Variants in ECHDC3 observed in about 807,000 individuals in gnomAD.
The protein encoded by ECHDC3 is enoyl-CoA hydratase domain containing 3.
A neutral mutation model predicts 17.9 loss-of-function variants in ECHDC3; 20 were observed. That is an observed-to-expected ratio of 1.12 (90% CI 0.79 to 1.63). The LOEUF is 1.63. Ranked by LOEUF, ECHDC3 falls within the 40% of genes most tolerant of loss-of-function variation. The probability of loss-of-function intolerance (pLI) is 0.00; values close to 1 mark genes in which losing one functional copy is unlikely to be tolerated. For synonymous variants in ECHDC3, 177 were observed against 149.7 expected (o/e 1.18, Z -1.33); for missense variants, 407 against 357.7 (o/e 1.14, Z -1.11).
intron 3 of ECHDC3, among the ~76,000 whole-genome samples, chr10:11,753,100 G>A (rs573632028): frequency 1.3e-5 from 2 of 152,224 alleles, no homozygotes; most frequent in African/African-American, 4.8e-5. Flanking sequence ...GCATTTTTAG[G>A]CCGGTCACAG....
At chr10:11,747,618 G>A in intron 2 of ECHDC3, 148 bp downstream of exon 2, 2 of 992,132 alleles carry the variant, frequency 2.0e-6, no homozygotes, top group South Asian at 2.9e-5. Flanking sequence ...CACCTGTGTA[G>A]TTGGTGGTTT....
chr10:11,746,004 T>C (rs893330114), intron 1 of ECHDC3, among the ~76,000 whole-genome samples: 9 of 152,132 alleles, frequency 5.9e-5, no homozygotes, highest in African/African-American at 2.2e-4. Context: ...ACAGCATGAA[T>C]TGTTTTGTAA....
chr10:11,755,480 T>G lies in ECHDC3; in HGVS notation c.463T>G (p.Cys155Gly). ...CAATGGCCTGGCCGCGGCTGCCGGC[T>G]GTCAACTGGTTGCCAGCTGCGACAT... The part of the protein sequence containing the change: ...MVNGLAAAAG[C>G]QLVASCDIAV... Residue 155 changes from cysteine to glycine, a missense_variant, in exon 4 of 5, where the codon TGT becomes GGT. By Grantham distance (159) the Cys-to-Gly change is radical. Transcript: ENST00000379215. The G allele has an allele frequency of 6.2e-7, 1 of 1,614,112 alleles. No homozygotes were observed. Among genetic ancestry groups the G allele is most frequent in the Middle Eastern group, 1.6e-4 (1 of 6,062 alleles).
chr10:11,745,454 T>C (rs1459915627), intron 1 of ECHDC3, among the ~76,000 whole-genome samples: 2 of 152,170 alleles, frequency 1.3e-5, no homozygotes, highest in Non-Finnish European at 2.9e-5. Flanking sequence ...AGTTTTGAAG[T>C]CTATCAGCAA....
intron 1 of ECHDC3, 90 bp from the exon 2 acceptor site, chr10:11,747,257 TAA>T: frequency 6.5e-7 from 1 of 1,527,620 alleles, no homozygotes; most frequent in Non-Finnish European, 8.8e-7. Flanking sequence ...TCTTGTCTGT[TAA>T]AAATACCTCC....
rs867625203 is a variant in ECHDC3 at position 11,763,239 on chromosome 10, C to T, written c.607C>T (p.Leu203Phe). 2.6e-6 allele frequency: 2 copies of T among 778,312 alleles called. No homozygotes were observed. Among genetic ancestry groups the T allele is most frequent in the Non-Finnish European group, 4.8e-6 (2 of 417,236 alleles). The allele number at this position is 778,312 out of a possible 1,614,324, so 48.2% of individuals were successfully genotyped here. Residue 203 changes from leucine (L) to phenylalanine (F), a missense_variant, in exon 5 of 5, where the codon CTC becomes TTC. Transcript: ENST00000379215. The surrounding 1 kb of genome is among the most constrained non-coding windows in gnomAD (Gnocchi z 4.9). The part of the protein sequence containing the change: ...AVPRKVALEM[L>F]FTGEPISAQE... ...CTCCCCGTAGGTGGCCTTGGAGATGCTCTTTACTGGTGAGCCCATTTCTGC... is the reference window on the plus strand; with the variant it reads ...CTCCCCGTAGGTGGCCTTGGAGATGTTCTTTACTGGTGAGCCCATTTCTGC...
chr10:11,742,694 C>A lies in ECHDC3; in HGVS notation c.118C>A (p.Arg40=), dbSNP rs896398554. 3.1e-5 allele frequency: 39 copies of A among 1,242,306 alleles called. No individual in the cohort carries two copies. The African/African-American group carries it at 5.3e-4, about 17-fold the overall frequency. 77.0% of individuals were successfully genotyped at this position (1,242,306 alleles called of 1,614,324 possible). ...FCSRDPAGAG[R]RESEPRPTSA... is the part of the protein sequence containing the mutation. ...CAGCCGGGACCCGGCCGGGGCGGGG[C>A]GGCGGGAGTCGGAGCCGCGGCCCAC... Residue 40 remains arginine, a synonymous_variant, in exon 1 of 5, where the codon CGG becomes AGG. Coordinates refer to ENST00000379215, the MANE Select transcript of ECHDC3 (RefSeq NM_024693.5).
chr10:11,759,968 T>G (rs1238729077), intron 4 of ECHDC3, among the ~76,000 whole-genome samples: 2 of 152,236 alleles, frequency 1.3e-5, no homozygotes, highest in African/African-American at 2.4e-5. Flanking sequence ...TTGTGGTTAG[T>G]AAGTGGCAGA....
At chr10:11,746,687 A>C (rs1366059258) in intron 1 of ECHDC3, among the ~76,000 whole-genome samples, 3 of 151,952 alleles carry the variant, frequency 2.0e-5, no homozygotes, top group African/African-American at 7.3e-5. Context: ...TATAATCTCA[A>C]AACTTTGGGA....
Position 11,752,817 on chromosome 10 carries a change from G to A in ECHDC3, c.391-2591G>A, listed in dbSNP as rs117300797. ...AGGCAGAGTAAGTGACAGACTGGGC[G>A]TCAAACCCTGGCAGCCTGGTTCCAG... is the stretch of plus-strand genomic sequence containing the variant. On this transcript the variant is annotated intron_variant, in intron 3 of 4. Coordinates refer to ENST00000379215, the MANE Select transcript of ECHDC3 (RefSeq NM_024693.5). Among the ~76,000 whole-genome samples the A allele has an allele frequency of 7.6e-4, 115 of 152,280 alleles. 2 individuals are homozygous for A. In the East Asian group the frequency reaches 0.021, roughly 27 times the overall value.
intron 2 of ECHDC3, among the ~76,000 whole-genome samples, chr10:11,748,423 G>T (rs1172995812): frequency 6.6e-6 from 1 of 152,020 alleles, no homozygotes; most frequent in Non-Finnish European, 1.5e-5. Context: ...ATGGTGTCTT[G>T]CTATGTTGCC....
At chr10:11,751,548 A>G (rs980170530) in intron 3 of ECHDC3, among the ~76,000 whole-genome samples, 2 of 152,256 alleles carry the variant, frequency 1.3e-5, no homozygotes, top group African/African-American at 4.8e-5. Context: ...TTCATGCATG[A>G]GAAAATTTGA....
Position 11,763,367 on chromosome 10 carries a change from T to C in ECHDC3, c.735T>C (p.Arg245=). The C allele has an allele frequency of 1.3e-6, 1 of 779,162 alleles. No individual in the cohort carries two copies. Among genetic ancestry groups the C allele is most frequent in the Non-Finnish European group, 2.4e-6 (1 of 418,702 alleles). 48.3% of individuals were successfully genotyped at this position (779,162 alleles called of 1,614,324 possible). The part of the protein sequence containing the change: ...RIARKIASLS[R]PVVSLGKATF... ...CTAGGAAGATCGCATCGCTGAGCCG[T>C]CCGGTGGTGTCCCTGGGCAAAGCCA... Residue 245 remains arginine, a synonymous_variant, in exon 5 of 5, where the codon CGT becomes CGC. Transcript: ENST00000379215. The surrounding 1 kb of genome is among the most constrained non-coding windows in gnomAD (Gnocchi z 4.9).
At chr10:11,746,294 C>G (rs1316443753) in intron 1 of ECHDC3, among the ~76,000 whole-genome samples, 1 of 137,498 alleles carries the variant, frequency 7.3e-6, no homozygotes, top group Non-Finnish European at 1.5e-5. Flanking sequence ...TGCCAATGCA[C>G]TCCAGCCTGG....
chr10:11,751,524 AT>A (rs1282596180), intron 3 of ECHDC3, among the ~76,000 whole-genome samples: 3 of 152,244 alleles, frequency 2.0e-5, no homozygotes, highest in African/African-American at 7.2e-5. Flanking sequence ...TGAGCTAGAT[AT>A]TTCATTGTTC....
rs1776654977 is a variant in ECHDC3 at position 11,742,620 on chromosome 10, C to A, written c.44C>A (p.Pro15His). 7.7e-7 allele frequency: 1 copy of A among 1,291,072 alleles called. No homozygotes were observed. Among genetic ancestry groups the A allele is most frequent in the South Asian group, 2.4e-5 (1 of 41,790 alleles). The allele number at this position is 1,291,072 out of a possible 1,614,324, so 80.0% of individuals were successfully genotyped here. A position where few individuals can be genotyped will look rare whatever the true frequency, so the allele number is the denominator to read the frequency against. ...TTGCGGGCCTTCGGGGCAAGTGGGC[C>A]CATGTGTCTCCGGCGCGGCCCCTGG... is the stretch of plus-strand genomic sequence containing the variant. ...AVLRAFGASG[P>H]MCLRRGPWAQ... The change falls in exon 1 of 5, where the codon CCC becomes CAC. Residue 15 changes from proline (P) to histidine (H), a missense_variant. Physicochemically the swap from Pro to His is moderately conservative, Grantham distance 77. Coordinates refer to ENST00000379215, the MANE Select transcript of ECHDC3 (RefSeq NM_024693.5).
At position 11,764,051 on chromosome 10, in the gene ECHDC3, A is replaced by T; in HGVS notation, c.*507A>T. The stretch of plus-strand genomic sequence containing the variant: ...TTGAATAATCTTATGTGATTTAAAT[A>T]AATTAAATCTTTATAGAGACTGGTA... On this transcript the variant is annotated 3_prime_UTR_variant, in exon 5 of 5. Coordinates refer to ENST00000379215, the MANE Select transcript of ECHDC3 (RefSeq NM_024693.5). 2.7e-6 allele frequency: 2 copies of T among 748,468 alleles called. No homozygotes were observed. Among genetic ancestry groups the T allele is most frequent in the Non-Finnish European group, 3.3e-6 (2 of 613,318 alleles). The allele number at this position is 748,468 out of a possible 1,614,324, so 46.4% of individuals were successfully genotyped here.
chr10:11,755,316 A>T, intron 3 of ECHDC3, 92 bp from the exon 4 acceptor site: 26 of 1,120,632 alleles, frequency 2.3e-5, no homozygotes, highest in Non-Finnish European at 3.2e-5. Flanking sequence ...ACAGAGTGAG[A>T]CTCTGTCAAA....
chr10:11,754,126 A>G (rs1186602262), intron 3 of ECHDC3, among the ~76,000 whole-genome samples: 1 of 152,222 alleles, frequency 6.6e-6, no homozygotes, highest in Non-Finnish European at 1.5e-5. Context: ...CCTCCCCCAA[A>G]AAAAGTCAAA....
Sources: gnomAD v4.1 joint callset for allele counts (sites outside exome capture counted in the v4.1 genomes callset) on GRCh38, gnomAD v4.1.1 for gene constraint, Gnocchi (gnomAD v3.1) non-coding constraint, MANE v1.5 for transcripts, NCBI Gene and HGNC (gene_info 2026-07-23, HGNC 2026-07-21) for gene names.